Variants in PTPRQ observed in about 807,000 individuals in gnomAD.
PTPRQ encodes phosphatidylinositol phosphatase PTPRQ.
In PTPRQ, 199 loss-of-function variants were observed where a neutral mutation model predicts 246.0. The ratio of observed to expected loss-of-function variants is 0.81; its 90% CI spans 0.72 to 0.91. PTPRQ has a LOEUF of 0.91. PTPRQ is among the 40% of genes least tolerant of loss of function. The pLI is 0.00. For missense variants in PTPRQ, 2,624 were observed against 2,528.4 expected (o/e 1.04, Z -0.81); for synonymous variants, 869 against 853.2 (o/e 1.02, Z -0.32).
chr12:80,455,083 G>T (rs536847403), intron 3 of PTPRQ, among the ~76,000 whole-genome samples: 1 of 152,288 alleles, frequency 6.6e-6, no homozygotes, highest in Non-Finnish European at 1.5e-5. Context: ...TGAGGCAGGA[G>T]AGTCACTTGA....
At chr12:80,635,507 G>A (rs1899612394) in intron 35 of PTPRQ, among the ~76,000 whole-genome samples, 1 of 151,668 alleles carries the variant, frequency 6.6e-6, no homozygotes, top group Admixed American at 6.6e-5. Context: ...AACTATTTCA[G>A]TATAAAAGTA....
At chr12:80,616,632 A>G (rs1592721036) in intron 30 of PTPRQ, among the ~76,000 whole-genome samples, 1 of 151,318 alleles carries the variant, frequency 6.6e-6, no homozygotes, top group East Asian at 1.9e-4. Flanking sequence ...TAATTAGATT[A>G]TTAGATTGTT....
chr12:80,447,677 T>G (rs758891451), intron 3 of PTPRQ, among the ~76,000 whole-genome samples: 22 of 150,826 alleles, frequency 1.5e-4, no homozygotes, highest in Non-Finnish European at 2.9e-4. Flanking sequence ...CATTGTTTAT[T>G]TTTGTCAACT....
chr12:80,467,011 T>C (rs1893444776), intron 6 of PTPRQ, among the ~76,000 whole-genome samples: 1 of 152,094 alleles, frequency 6.6e-6, no homozygotes, highest in Non-Finnish European at 1.5e-5. Flanking sequence ...ACAAATGGGA[T>C]CTAATTAAAC....
At chr12:80,454,860 T>A (rs1018874273) in intron 3 of PTPRQ, among the ~76,000 whole-genome samples, 1 of 152,208 alleles carries the variant, frequency 6.6e-6, no homozygotes, top group African/African-American at 2.4e-5. Flanking sequence ...TCCAAAAAAG[T>A]CACTAAGCTA....
intron 25 of PTPRQ, among the ~76,000 whole-genome samples, chr12:80,578,299 C>T (rs1045596448): frequency 2.0e-5 from 3 of 148,944 alleles, no homozygotes; most frequent in African/African-American, 5.0e-5. Flanking sequence ...CAGTTCCCAC[C>T]TATGAGTGAG....
At chr12:80,595,082 T>A (rs1486373582) in intron 26 of PTPRQ, among the ~76,000 whole-genome samples, 2 of 152,192 alleles carry the variant, frequency 1.3e-5, no homozygotes, top group South Asian at 4.1e-4. Flanking sequence ...TCTTTCTTAT[T>A]GTCCTTTCTT....
At chr12:80,599,840 C>T (rs535666695) in intron 26 of PTPRQ, among the ~76,000 whole-genome samples, 101 of 150,700 alleles carry the variant, frequency 6.7e-4, no homozygotes, top group African/African-American at 2.3e-3. Context: ...ACAGGTGAAA[C>T]ACATATTGTT....
Position 80,535,005 on chromosome 12 carries a change from T to G in PTPRQ, c.2953T>G (p.Tyr985Asp). Residue 985 changes from tyrosine to aspartate, a missense_variant, in exon 19 of 45, where the codon TAT (tyrosine) becomes GAT (aspartate). Tyr to Asp is a radical substitution (Grantham distance 160). Transcript: ENST00000644991. ...PNGIIQYYSV[Y>D]YRNTSGTFMQ... ...TGGGATTATACAATATTACTCTGTT[T>G]ATTACAGAAATACTTCAGGTACTTT... is the stretch of plus-strand genomic sequence containing the variant. 6.5e-7 allele frequency: 1 copy of G among 1,536,318 alleles called. No individual in the cohort carries two copies. Among genetic ancestry groups the G allele is most frequent in the Non-Finnish European group, 8.8e-7 (1 of 1,142,526 alleles).
At chr12:80,468,872 G>T (rs1294226440) in intron 7 of PTPRQ, 34 bp downstream of exon 7, 2 of 1,534,258 alleles carry the variant, frequency 1.3e-6, no homozygotes, top group Non-Finnish European at 1.8e-6. Flanking sequence ...TTGCCTTTTG[G>T]AGTGAGAATA....
At chr12:80,485,582 G>A (rs1820935322) in intron 9 of PTPRQ, among the ~76,000 whole-genome samples, 1 of 152,062 alleles carries the variant, frequency 6.6e-6, no homozygotes, top group African/African-American at 2.4e-5. Context: ...AATGCATTCT[G>A]GCCACCCAGG....
chr12:80,549,506 T>A lies in PTPRQ; in HGVS notation c.4057T>A (p.Trp1353Arg). 6.4e-7 allele frequency: 1 copy of A among 1,551,036 alleles called. No individual in the cohort carries two copies. Among genetic ancestry groups the A allele is most frequent in the Non-Finnish European group, 8.7e-7 (1 of 1,146,534 alleles). Residue 1353 changes from tryptophan to arginine, a missense_variant, in exon 25 of 45, where the codon TGG becomes AGG. Trp to Arg is a moderately radical substitution (Grantham distance 101). Transcript: ENST00000644991. ...GAATATGCAGTGCATGGCAACTAGC[T>A]GGCAGTCAGTTTTAGTGAAATGGGA... is the stretch of plus-strand genomic sequence containing the variant. ...VQNMQCMATS[W>R]QSVLVKWDPP... is the part of the protein sequence containing the mutation.
At chr12:80,456,231 T>C (rs1447878428) in intron 3 of PTPRQ, among the ~76,000 whole-genome samples, 1 of 152,192 alleles carries the variant, frequency 6.6e-6, no homozygotes, top group Non-Finnish European at 1.5e-5. Flanking sequence ...AGTTTTTTCT[T>C]ACTGGAAGTG....
In PTPRQ at chr12:80,444,819, G is replaced by A. The variant is rs893636396; in HGVS notation, c.133G>A (p.Val45Ile). 2 of 1,535,678 alleles carry A rather than the reference G, an allele frequency of 1.3e-6. No individual in the cohort carries two copies. The highest frequency in any genetic ancestry group is 1.4e-5 in the African/African-American group (1 of 72,438). Residue 45 changes from valine (V) to isoleucine (I), a missense_variant, in exon 2 of 45, where the codon GTT (valine) becomes ATT (isoleucine). Transcript: ENST00000644991. The stretch of plus-strand genomic sequence containing the variant: ...AATTTCTACAACATACACCTCACCT[G>A]TTACTAGAATAGTGACAACAAATGT... ...SSISTTYTSPVTRIVTTNVTK... is the reference protein window; with the variant it reads ...SSISTTYTSPITRIVTTNVTK...
chr12:80,635,784 C>G (rs1450454159), intron 35 of PTPRQ, among the ~76,000 whole-genome samples: 1 of 152,062 alleles, frequency 6.6e-6, no homozygotes, highest in East Asian at 1.9e-4. Flanking sequence ...TTAATGAAAA[C>G]TACCATCAGG....
chr12:80,478,565 A>G (rs1278106552), intron 8 of PTPRQ, among the ~76,000 whole-genome samples: 1 of 152,202 alleles, frequency 6.6e-6, no homozygotes, highest in East Asian at 1.9e-4. Context: ...GCTTCAGACG[A>G]TCAAATTACT....
intron 6 of PTPRQ, among the ~76,000 whole-genome samples, chr12:80,467,072 C>A (rs2120519834): frequency 6.6e-6 from 1 of 152,306 alleles, no homozygotes. Flanking sequence ...GAACAGGCAA[C>A]CTTCAGAATG....
chr12:80,552,808 T>C (rs189316514), intron 25 of PTPRQ, among the ~76,000 whole-genome samples: 4 of 151,598 alleles, frequency 2.6e-5, no homozygotes, highest in East Asian at 1.9e-4. Flanking sequence ...CTATGAACTA[T>C]GTACTTTCCT....
rs1474888768 is a variant in PTPRQ, at chr12:80,484,507, C to T, written c.1261C>T (p.Arg421Ter). 1.4e-5 allele frequency: 21 copies of T among 1,550,930 alleles called. No homozygotes were observed. The East Asian group carries it at 1.5e-4, about 11-fold the overall frequency. The change falls in exon 9 of 45, where the codon CGA (arginine) becomes TGA (stop). Residue 421 changes from arginine to a stop codon, truncating the protein, a stop_gained. Coordinates refer to ENST00000644991, the MANE Select transcript of PTPRQ (RefSeq NM_001145026.2). LOFTEE classifies it high-confidence loss of function. Reference sequence around the variant, plus strand: ...AGTAAGAATTACTTGGAAGAAACCACGACAACCAAATGGAATTATTAACCA... The same window carrying T: ...AGTAAGAATTACTTGGAAGAAACCATGACAACCAAATGGAATTATTAACCA... ...TQVRITWKKP[R>*]QPNGIINQYR...
Sources: gnomAD v4.1 joint callset for allele counts (sites outside exome capture counted in the v4.1 genomes callset) on GRCh38, gnomAD v4.1.1 for gene constraint, MANE v1.5 for transcripts, NCBI Gene and HGNC (gene_info 2026-07-23, HGNC 2026-07-21) for gene names.